UNC13C: variants seen among roughly 807,000 people sequenced by gnomAD.
The protein encoded by UNC13C is protein unc-13 homolog C.
In UNC13C, 174 loss-of-function variants were observed where a neutral mutation model predicts 245.4. That is an observed-to-expected ratio of 0.71 (90% confidence interval 0.63 to 0.80). The LOEUF (loss-of-function observed/expected upper bound fraction) is 0.80, where lower values mean the gene tolerates loss of function less well. UNC13C is among the 30% of genes least tolerant of loss of function. The pLI, the probability that UNC13C is intolerant of heterozygous loss-of-function variation, is 0.00. For missense variants in UNC13C, 2,829 were observed against 2,602.9 expected (o/e 1.09, Z -1.89); for synonymous variants, 992 against 895.1 (o/e 1.11, Z -1.93).
intron 30 of UNC13C, among the ~76,000 whole-genome samples, chr15:54,587,475 A>G (rs1898553206): frequency 6.6e-6 from 1 of 152,246 alleles, no homozygotes; most frequent in African/African-American, 2.4e-5. Context: ...GTCTGGACAA[A>G]ATAGAGATAT....
chr15:54,134,157 G>T (rs1232542729), intron 2 of UNC13C, among the ~76,000 whole-genome samples: 1 of 151,206 alleles, frequency 6.6e-6, no homozygotes, highest in Non-Finnish European at 1.5e-5. Flanking sequence ...GTGTGTATTA[G>T]ATCCCCAGAA....
intron 22 of UNC13C, among the ~76,000 whole-genome samples, chr15:54,506,330 G>T (rs1187628270): frequency 6.6e-6 from 1 of 152,140 alleles, no homozygotes; most frequent in South Asian, 2.1e-4. Flanking sequence ...AAACGAATAA[G>T]TATTTCATAG....
At chr15:54,621,492 A>G (rs1818712) in intron 30 of UNC13C, among the ~76,000 whole-genome samples, 139,824 of 152,144 alleles carry the variant, frequency 0.92, 64,357 homozygotes, top group African/African-American at 0.98. Context: ...TGATGTAGTG[A>G]CAGCTTTATC....
At chr15:54,107,269 G>A (rs1323692825) in intron 2 of UNC13C, among the ~76,000 whole-genome samples, 2 of 151,752 alleles carry the variant, frequency 1.3e-5, no homozygotes, top group Non-Finnish European at 2.9e-5. Flanking sequence ...GAAAAAATGA[G>A]GGCTACCTAG....
At chr15:54,216,935 T>A (rs553030824) in intron 4 of UNC13C, among the ~76,000 whole-genome samples, 24 of 152,122 alleles carry the variant, frequency 1.6e-4, no homozygotes, top group African/African-American at 5.8e-4. Context: ...TACTGTGAGA[T>A]GGCATGTTGG....
At chr15:54,226,539 C>G (rs1391848150) in intron 4 of UNC13C, among the ~76,000 whole-genome samples, 2 of 152,174 alleles carry the variant, frequency 1.3e-5, no homozygotes, top group African/African-American at 4.8e-5. Context: ...CTTATGACCA[C>G]TTACCTTGTT....
At chr15:53,882,978 T>C in the UNC13C span, among the ~76,000 whole-genome samples, 5 of 152,178 alleles carry the variant, frequency 3.3e-5, no homozygotes, top group Admixed American at 6.5e-5. Flanking sequence ...TGAAATAACC[T>C]GTACAACCAC....
At chr15:53,947,152 G>A in the UNC13C span, among the ~76,000 whole-genome samples, 1 of 152,068 alleles carries the variant, frequency 6.6e-6, no homozygotes. Context: ...AAGCCATATG[G>A]TCTGTCCTGG....
intron 30 of UNC13C, among the ~76,000 whole-genome samples, chr15:54,619,204 T>C (rs1179657891): frequency 6.6e-6 from 1 of 152,094 alleles, no homozygotes; most frequent in Non-Finnish European, 1.5e-5. Flanking sequence ...CCATGTAAAT[T>C]TTGCTAAGAT....
At chr15:54,450,856 C>T (rs1891134289) in intron 19 of UNC13C, among the ~76,000 whole-genome samples, 1 of 152,190 alleles carries the variant, frequency 6.6e-6, no homozygotes, top group South Asian at 2.1e-4. Flanking sequence ...CCATCTTCTG[C>T]ATCGCTCACA....
intron 30 of UNC13C, among the ~76,000 whole-genome samples, chr15:54,593,186 T>C (rs1317772831): frequency 6.6e-6 from 1 of 152,222 alleles, no homozygotes; most frequent in African/African-American, 2.4e-5. Flanking sequence ...CCTGTTAATC[T>C]GATAGGTTTT....
At chr15:54,626,736 A>G (rs529565887) in intron 32 of UNC13C, 92 bp from the exon 33 acceptor site, 27 of 1,106,580 alleles carry the variant, frequency 2.4e-5, no homozygotes, top group Non-Finnish European at 3.1e-5. Context: ...ATCAGATCCA[A>G]TGTATACAGT....
intron 19 of UNC13C, among the ~76,000 whole-genome samples, chr15:54,442,942 A>AAATAATTT (rs1184475682): frequency 6.6e-6 from 1 of 152,076 alleles, no homozygotes; most frequent in East Asian, 1.9e-4. Flanking sequence ...AATTCACTGG[A>AAATAATTT]AATAATTTTT....
At chr15:54,380,854 G>A (rs1250373607) in intron 17 of UNC13C, among the ~76,000 whole-genome samples, 5 of 151,966 alleles carry the variant, frequency 3.3e-5, no homozygotes, top group African/African-American at 1.2e-4. Flanking sequence ...CAAATTTTGG[G>A]TAGTAACTCC....
chr15:54,560,570 C>A (rs1396386390), intron 29 of UNC13C, among the ~76,000 whole-genome samples: 1 of 151,950 alleles, frequency 6.6e-6, no homozygotes, highest in East Asian at 1.9e-4. Context: ...CTCCTTCCTA[C>A]CCCCGCGGTG....
At chr15:53,918,894 C>G in the UNC13C span, among the ~76,000 whole-genome samples, 1 of 152,144 alleles carries the variant, frequency 6.6e-6, no homozygotes, top group African/African-American at 2.4e-5. Context: ...AATGATGAGA[C>G]GAGCAATTTT....
chr15:53,953,458 G>C, the UNC13C span, among the ~76,000 whole-genome samples: 2 of 152,190 alleles, frequency 1.3e-5, no homozygotes, highest in Non-Finnish European at 2.9e-5. Flanking sequence ...TCTAGATCCA[G>C]GGGTGTTTCT....
In UNC13C at chr15:54,388,646, C is replaced by T. The variant is rs779631550; in HGVS notation, c.4714-4402C>T. Among the ~76,000 whole-genome samples the T allele has an allele frequency of 3.3e-5, 5 of 152,082 alleles. No individual in the cohort carries two copies. In the East Asian group the frequency reaches 5.8e-4, roughly 18 times the overall value. On this transcript the variant is annotated intron_variant, in intron 17 of 32. Transcript: ENST00000260323. ...GAAGCTAATTATTCCACATAGACTC[C>T]GGATCTCATTCTCTTCCGTTTCAGC...
chr15:54,207,641 G>A (rs1356880320), intron 4 of UNC13C, among the ~76,000 whole-genome samples: 1 of 152,058 alleles, frequency 6.6e-6, no homozygotes, highest in East Asian at 1.9e-4. Flanking sequence ...ATAATTTGGA[G>A]ATAATTTTGA....
Sources: allele counts gnomAD v4.1 joint callset (sites outside exome capture counted in the v4.1 genomes callset), GRCh38; gene constraint gnomAD v4.1.1; transcripts MANE v1.5; gene names NCBI Gene and HGNC (gene_info 2026-07-23, HGNC 2026-07-21).